The following TRDN variants were observed in gnomAD, a reference collection of about 807,000 sequenced individuals.
TRDN encodes triadin in skeletal muscle.
TRDN carries 161 observed loss-of-function variants against 149.7 expected under a neutral mutation model. That is an observed-to-expected ratio of 1.08 (90% CI 0.95 to 1.23). TRDN has a LOEUF of 1.23. Among genes scored for constraint, TRDN ranks in the 50% most tolerant of loss-of-function variants. TRDN has a pLI of 0.00. For synonymous variants in TRDN, 294 were observed against 250.5 expected, an observed-to-expected ratio of 1.17 and a Z score of -1.64; for missense variants, 896 against 823.5, an observed-to-expected ratio of 1.09 and a Z score of -1.08.
chr6:123,261,556 A>G (rs1168412195), intron 33 of TRDN, among the ~76,000 whole-genome samples: 1 of 151,828 alleles, frequency 6.6e-6, no homozygotes, highest in Non-Finnish European at 1.5e-5. Flanking sequence ...TAACATTTCC[A>G]GAAAATAAAA....
At chr6:123,558,424 C>A (rs1781797660) in intron 2 of TRDN, among the ~76,000 whole-genome samples, 1 of 152,240 alleles carries the variant, frequency 6.6e-6, no homozygotes, top group South Asian at 2.1e-4. Flanking sequence ...CCCTCCCCCA[C>A]CTGCCCAGCA....
chr6:123,595,423 A>T (rs1376296493), intron 1 of TRDN, among the ~76,000 whole-genome samples: 1 of 152,142 alleles, frequency 6.6e-6, no homozygotes, highest in African/African-American at 2.4e-5. Context: ...GTGGATCCTG[A>T]TGAAAGACTG....
At chr6:123,311,329 T>A (rs906369794) in intron 24 of TRDN, among the ~76,000 whole-genome samples, 2 of 151,852 alleles carry the variant, frequency 1.3e-5, no homozygotes, top group East Asian at 1.9e-4. Context: ...ATCACCTCCA[T>A]CCCAGTCCAT....
chr6:123,477,803 G>T (rs868052821), intron 9 of TRDN, among the ~76,000 whole-genome samples: 6 of 150,470 alleles, frequency 4.0e-5, no homozygotes, highest in Non-Finnish European at 8.8e-5. Context: ...GTAAACTATC[G>T]CAAGAACAAA....
At chr6:123,320,241 CTT>C (rs143117149) in intron 23 of TRDN, among the ~76,000 whole-genome samples, 1 of 151,424 alleles carries the variant, frequency 6.6e-6, no homozygotes, top group African/African-American at 2.4e-5. Context: ...ACCAATGACA[CTT>C]TGTATTTGCC....
At chr6:123,258,821 T>C (rs1056778426) in intron 35 of TRDN, among the ~76,000 whole-genome samples, 1 of 152,160 alleles carries the variant, frequency 6.6e-6, no homozygotes, top group Non-Finnish European at 1.5e-5. Context: ...CCAGAACTTG[T>C]TATTGGTCTA....
At chr6:123,425,111 T>C (rs1774060572) in intron 12 of TRDN, among the ~76,000 whole-genome samples, 1 of 151,820 alleles carries the variant, frequency 6.6e-6, no homozygotes, top group African/African-American at 2.4e-5. Flanking sequence ...TAATAATGAA[T>C]TAAGGAAGAG....
At chr6:123,443,903 T>C (rs1371221934) in intron 10 of TRDN, among the ~76,000 whole-genome samples, 3 of 151,174 alleles carry the variant, frequency 2.0e-5, no homozygotes, top group African/African-American at 4.9e-5. Flanking sequence ...ACCAGTACCA[T>C]GCTGTTTTGG....
chr6:123,302,313 G>A (rs1014319095), intron 24 of TRDN, among the ~76,000 whole-genome samples: 10 of 151,962 alleles, frequency 6.6e-5, no homozygotes, highest in Admixed American at 6.6e-5. Context: ...AAAATATAAA[G>A]GCAGTTTACC....
chr6:123,456,673 T>C (rs1337945055), intron 10 of TRDN, among the ~76,000 whole-genome samples: 6 of 152,182 alleles, frequency 3.9e-5, no homozygotes, highest in African/African-American at 1.4e-4. Context: ...TTCGCCATGT[T>C]GCCCAGGCTG....
At chr6:123,396,030 C>T (rs1475572283) in intron 12 of TRDN, among the ~76,000 whole-genome samples, 1 of 152,116 alleles carries the variant, frequency 6.6e-6, no homozygotes, top group African/African-American at 2.4e-5. Flanking sequence ...AGGACACATG[C>T]AAAGAAGATC....
intron 39 of TRDN, among the ~76,000 whole-genome samples, chr6:123,223,691 T>C (rs1030765001): frequency 7.1e-6 from 1 of 139,960 alleles, no homozygotes; most frequent in Non-Finnish European, 1.5e-5. Context: ...CTTCCTTCCT[T>C]CCTTCCTTCC....
At chr6:123,425,067 C>T (rs978196010) in intron 12 of TRDN, among the ~76,000 whole-genome samples, 3 of 151,834 alleles carry the variant, frequency 2.0e-5, no homozygotes, top group Admixed American at 2.0e-4. Context: ...AGTTCAGCTA[C>T]TAAACATATT....
intron 8 of TRDN, chr6:123,501,887 T>C (rs977272332): frequency 3.1e-6 from 3 of 968,494 alleles, no homozygotes; most frequent in African/African-American, 3.5e-5. Flanking sequence ...AAATACAATA[T>C]TTGTGGCCTG....
intron 2 of TRDN, among the ~76,000 whole-genome samples, chr6:123,565,320 C>A (rs1298242283): frequency 6.6e-6 from 1 of 152,124 alleles, no homozygotes; most frequent in Non-Finnish European, 1.5e-5. Flanking sequence ...TCCTCCCATC[C>A]CCCACTTAGG....
chr6:123,220,508 C>G (rs139132625), intron 40 of TRDN, among the ~76,000 whole-genome samples: 63 of 151,766 alleles, frequency 4.2e-4, no homozygotes, highest in Non-Finnish European at 7.4e-4. Context: ...TAATATTACT[C>G]AAAGTATCAT....
intron 27 of TRDN, among the ~76,000 whole-genome samples, chr6:123,274,074 T>C (rs907192767): frequency 3.3e-5 from 5 of 152,068 alleles, no homozygotes; most frequent in African/African-American, 1.2e-4. Flanking sequence ...CCTGGAATAA[T>C]AACTTATTTT....
At chr6:123,509,293 T>G (rs1779064954) in intron 7 of TRDN, among the ~76,000 whole-genome samples, 1 of 152,066 alleles carries the variant, frequency 6.6e-6, no homozygotes, top group African/African-American at 2.4e-5. Flanking sequence ...ACTTGTGGCA[T>G]TCATATCCTT....
chr6:123,571,109 C>T lies in TRDN; in HGVS notation c.46G>A (p.Val16Met). 1.2e-6 allele frequency: 2 copies of T among 1,613,894 alleles called. No individual in the cohort carries two copies. The highest frequency in any genetic ancestry group is 2.2e-5 in the South Asian group (2 of 91,074). ...ACAGATCCATTTTTGCTGTCTATCA[C>T]AGTTGTGGTTGTAGATGCATTTCCT... ...AEGNASTTTT[V>M]IDSKNGSVPK... The change falls in exon 2 of 41, where the codon GTG becomes ATG. Residue 16 changes from valine (V) to methionine (M), a missense_variant. Transcript: ENST00000334268.
Sources: gnomAD v4.1 joint callset for allele counts (sites outside exome capture counted in the v4.1 genomes callset) on GRCh38, gnomAD v4.1.1 for gene constraint, MANE v1.5 for transcripts, NCBI Gene and HGNC (gene_info 2026-07-23, HGNC 2026-07-21) for gene names.